Variants in GALNT13 observed in about 807,000 individuals in gnomAD.
The protein encoded by GALNT13 is UDP-GalNAc:polypeptide N-acetylgalactosaminyltransferase 13.
Under a neutral mutation model 64.2 loss-of-function variants are expected in GALNT13, and 28 were observed. The ratio of observed to expected loss-of-function variants is 0.44; its 90% CI spans 0.32 to 0.60. GALNT13 has a LOEUF of 0.60. Among genes scored for constraint, GALNT13 ranks in the 20% least tolerant of loss-of-function variants. The pLI is 0.05. For synonymous variants in GALNT13, 214 were observed against 224.6 expected (o/e 0.95, Z 0.42); for missense variants, 577 against 669.8 (o/e 0.86, Z 1.53).
At chr2:153,975,059 T>C (rs1283393688) in intron 3 of GALNT13, among the ~76,000 whole-genome samples, 1 of 152,116 alleles carries the variant, frequency 6.6e-6, no homozygotes, top group East Asian at 1.9e-4. Flanking sequence ...TTCTTTGTGT[T>C]TGGGTATAAA....
chr2:154,195,365 G>T (rs538174178), intron 4 of GALNT13, among the ~76,000 whole-genome samples: 1 of 152,006 alleles, frequency 6.6e-6, no homozygotes, highest in African/African-American at 2.4e-5. Flanking sequence ...AAAATGTACC[G>T]TGGGAGAAAT....
the GALNT13 span, among the ~76,000 whole-genome samples, chr2:153,204,313 T>TA: frequency 9.9e-3 from 1,503 of 152,332 alleles, 30 homozygotes; most frequent in African/African-American, 0.033. Context: ...TGCTTGTTTT[T>TA]ATCCATATTT....
the GALNT13 span, among the ~76,000 whole-genome samples, chr2:153,498,688 AC>A: frequency 6.6e-6 from 1 of 152,230 alleles, no homozygotes; most frequent in South Asian, 2.1e-4. Context: ...AGAGGTTGTC[AC>A]AGCCCTGGCT....
the GALNT13 span, among the ~76,000 whole-genome samples, chr2:153,412,872 A>G: frequency 3.9e-5 from 6 of 152,304 alleles, no homozygotes; most frequent in East Asian, 1.2e-3. Flanking sequence ...CAGGAGAGCA[A>G]TACTTTCTCA....
chr2:154,238,891 A>G (rs762725368), intron 4 of GALNT13, among the ~76,000 whole-genome samples: 1 of 152,028 alleles, frequency 6.6e-6, no homozygotes, highest in South Asian at 2.1e-4. Flanking sequence ...TACAGTATAC[A>G]ATACAGTATT....
chr2:153,269,398 T>C, the GALNT13 span, among the ~76,000 whole-genome samples: 1 of 152,154 alleles, frequency 6.6e-6, no homozygotes, highest in African/African-American at 2.4e-5. Context: ...TGAGTGACCT[T>C]TACTCCAGTT....
the GALNT13 span, among the ~76,000 whole-genome samples, chr2:153,368,673 A>G: frequency 6.6e-6 from 1 of 152,296 alleles, no homozygotes; most frequent in African/African-American, 2.4e-5. Flanking sequence ...AAATACATAG[A>G]ACACAAATTG....
intron 3 of GALNT13, among the ~76,000 whole-genome samples, chr2:154,066,264 A>G (rs1020671111): frequency 2.0e-5 from 3 of 152,182 alleles, no homozygotes; most frequent in Non-Finnish European, 2.9e-5. Flanking sequence ...TCTAACAGTT[A>G]TTGGCATTAA....
intron 7 of GALNT13, among the ~76,000 whole-genome samples, chr2:154,254,737 T>A (rs1193260483): frequency 1.3e-5 from 2 of 151,816 alleles, no homozygotes; most frequent in Non-Finnish European, 2.9e-5. Context: ...CTGAACAGAG[T>A]CAAAGGAGTT....
intron 9 of GALNT13, among the ~76,000 whole-genome samples, chr2:154,360,690 T>C (rs541926884): frequency 4.3e-4 from 65 of 152,146 alleles, no homozygotes; most frequent in Non-Finnish European, 6.2e-4. Flanking sequence ...GACTATTCAG[T>C]ATATCTTTAT....
intron 3 of GALNT13, among the ~76,000 whole-genome samples, chr2:154,088,988 C>G (rs1411487410): frequency 6.6e-6 from 1 of 152,038 alleles, no homozygotes; most frequent in African/African-American, 2.4e-5. Context: ...GAGGGCTCTT[C>G]TTGATTTTCT....
intron 3 of GALNT13, among the ~76,000 whole-genome samples, chr2:154,039,000 T>C (rs1698826852): frequency 6.6e-6 from 1 of 152,092 alleles, no homozygotes; most frequent in Admixed American, 6.6e-5. Context: ...AATAGGCATA[T>C]GAATAAATGT....
intron 3 of GALNT13, among the ~76,000 whole-genome samples, chr2:153,974,510 G>A (rs1351257873): frequency 6.6e-6 from 1 of 151,944 alleles, no homozygotes; most frequent in Admixed American, 6.6e-5. Context: ...TGTAGGTATT[G>A]GGATGAGTCA....
At chr2:153,312,133 A>G in the GALNT13 span, among the ~76,000 whole-genome samples, 2 of 152,204 alleles carry the variant, frequency 1.3e-5, no homozygotes, top group Non-Finnish European at 2.9e-5. Context: ...TGTCATTATT[A>G]ATCTATCACT....
At chr2:153,981,920 A>G (rs992483291) in intron 3 of GALNT13, among the ~76,000 whole-genome samples, 2 of 151,830 alleles carry the variant, frequency 1.3e-5, no homozygotes, top group African/African-American at 2.4e-5. Context: ...TTAATTTACT[A>G]TATATATTAT....
chr2:153,901,850 C>A (rs1574076264), intron 2 of GALNT13, among the ~76,000 whole-genome samples: 1 of 152,138 alleles, frequency 6.6e-6, no homozygotes, highest in Admixed American at 6.5e-5. Context: ...AGATATAATA[C>A]CTTACTCTTC....
Position 154,025,028 on chromosome 2 carries a change from G to C in GALNT13, c.142+80389G>C, listed in dbSNP as rs144957849. Among the ~76,000 whole-genome samples, 673 of 152,304 alleles carry C rather than the reference G, an allele frequency of 4.4e-3. 2 individuals are homozygous for C. The highest frequency in any genetic ancestry group is 6.8e-3 in the Non-Finnish European group (461 of 68,030). On this transcript the variant is annotated intron_variant, in intron 3 of 12. Coordinates refer to ENST00000392825, the MANE Select transcript of GALNT13 (RefSeq NM_052917.4). ...CAGCAGATATGGGTGAACCACAGAT[G>C]CTGCTGCCTGATCGTTCCTCTGGAA... is the stretch of plus-strand genomic sequence containing the variant.
At chr2:153,392,972 A>G in the GALNT13 span, among the ~76,000 whole-genome samples, 3 of 152,180 alleles carry the variant, frequency 2.0e-5, no homozygotes, top group East Asian at 5.8e-4. Flanking sequence ...CTGTAAAAAA[A>G]GAGAGTAAGC....
At chr2:154,220,458 A>T (rs919012988) in intron 4 of GALNT13, among the ~76,000 whole-genome samples, 1 of 152,094 alleles carries the variant, frequency 6.6e-6, no homozygotes, top group Non-Finnish European at 1.5e-5. Flanking sequence ...TTCTAAAGTC[A>T]TGTTCTACTA....
Sources: gnomAD v4.1 joint callset for allele counts (sites outside exome capture counted in the v4.1 genomes callset) on GRCh38, gnomAD v4.1.1 for gene constraint, MANE v1.5 for transcripts, NCBI Gene and HGNC (gene_info 2026-07-23, HGNC 2026-07-21) for gene names.